Variants in SLC35D4 observed in about 807,000 individuals in gnomAD.
SLC35D4 encodes solute carrier family 35 member D4, also known as UDP-N-acetylglucosamine transporter SLC35D4.
At chr18:23,276,249 G>T in the SLC35D4 span, among the ~76,000 whole-genome samples, 1 of 151,862 alleles carries the variant, frequency 6.6e-6, no homozygotes, top group African/African-American at 2.4e-5. Flanking sequence ...CAAAACGTCC[G>T]GCTAATTTTT....
At chr18:23,266,555 C>G in the SLC35D4 span, among the ~76,000 whole-genome samples, 2 of 152,228 alleles carry the variant, frequency 1.3e-5, no homozygotes, top group African/African-American at 4.8e-5. Flanking sequence ...GGTGACAACT[C>G]AGGGAATGCA....
At chr18:23,281,723 A>G in the SLC35D4 span, among the ~76,000 whole-genome samples, 2 of 152,198 alleles carry the variant, frequency 1.3e-5, no homozygotes, top group East Asian at 3.9e-4. Context: ...TACAATCACA[A>G]AGAAAGTCAC....
the SLC35D4 span, among the ~76,000 whole-genome samples, chr18:23,286,686 CA>C: frequency 1.3e-5 from 2 of 151,296 alleles, no homozygotes; most frequent in African/African-American, 2.4e-5. Context: ...CCCTTGCCTC[CA>C]TAACTGTTGT....
At chr18:23,365,608 C>T in the SLC35D4 span, 10,286 of 1,611,864 alleles carry the variant, frequency 6.4e-3, 75 homozygotes, top group South Asian at 0.017. Flanking sequence ...AACAGACAAA[C>T]AAAACAACAC....
At chr18:23,435,812 C>T in the SLC35D4 span, among the ~76,000 whole-genome samples, 1 of 152,220 alleles carries the variant, frequency 6.6e-6, no homozygotes, top group South Asian at 2.1e-4. Flanking sequence ...TCTCATGCCT[C>T]AGCCTCCTGA....
At chr18:23,370,943 C>A in the SLC35D4 span, among the ~76,000 whole-genome samples, 4 of 152,100 alleles carry the variant, frequency 2.6e-5, no homozygotes, top group Non-Finnish European at 5.9e-5. Context: ...AAAACCAATC[C>A]AGAAAATGCC....
chr18:23,368,292 C>T, the SLC35D4 span, among the ~76,000 whole-genome samples: 1 of 152,184 alleles, frequency 6.6e-6, no homozygotes, highest in Admixed American at 6.5e-5. Context: ...AGGTCCTCTC[C>T]ACCTACACTC....
chr18:23,286,073 C>T, the SLC35D4 span, among the ~76,000 whole-genome samples: 1 of 152,198 alleles, frequency 6.6e-6, no homozygotes, highest in Admixed American at 6.5e-5. Flanking sequence ...CTGCTCTCAA[C>T]ATTAAATAAA....
At chr18:23,394,259 G>A in the SLC35D4 span, among the ~76,000 whole-genome samples, 1 of 152,186 alleles carries the variant, frequency 6.6e-6, no homozygotes, top group African/African-American at 2.4e-5. Context: ...TCTCATAGGT[G>A]TGAAGTGGTA....
chr18:23,346,043 G>A, the SLC35D4 span, among the ~76,000 whole-genome samples: 5 of 152,000 alleles, frequency 3.3e-5, no homozygotes, highest in African/African-American at 1.2e-4. Flanking sequence ...GGCTGAGATG[G>A]GAGGATTGCT....
the SLC35D4 span, among the ~76,000 whole-genome samples, chr18:23,355,898 A>C: frequency 0.016 from 2,510 of 152,306 alleles, 65 homozygotes; most frequent in African/African-American, 0.057. Flanking sequence ...TTTCTATCAT[A>C]TCGGGATACC....
the SLC35D4 span, among the ~76,000 whole-genome samples, chr18:23,384,119 T>A: frequency 6.6e-6 from 1 of 150,840 alleles, no homozygotes; most frequent in Non-Finnish European, 1.5e-5. Context: ...CAAGACCCTA[T>A]CTCTATAAAT....
At chr18:23,354,168 G>A in the SLC35D4 span, among the ~76,000 whole-genome samples, 2 of 152,150 alleles carry the variant, frequency 1.3e-5, no homozygotes, top group African/African-American at 4.8e-5. Context: ...TGAGGAAGAC[G>A]TGAAGCTTCA....
chr18:23,265,704 C>T, the SLC35D4 span, among the ~76,000 whole-genome samples: 4 of 152,072 alleles, frequency 2.6e-5, no homozygotes, highest in African/African-American at 9.7e-5. Context: ...TGGGAGTTCT[C>T]TTATGAGGGT....
the SLC35D4 span, among the ~76,000 whole-genome samples, chr18:23,409,894 A>C: frequency 6.6e-6 from 1 of 151,794 alleles, no homozygotes; most frequent in African/African-American, 2.4e-5. Flanking sequence ...TTGAACATAG[A>C]CAGACCTTTC....
At chr18:23,253,758 A>C in the SLC35D4 span, 1 of 1,614,190 alleles carries the variant, frequency 6.2e-7, no homozygotes, top group Non-Finnish European at 8.5e-7. Context: ...AAGCTTGCGC[A>C]GGAGGACTGT....
chr18:23,247,215 T>C, the SLC35D4 span, among the ~76,000 whole-genome samples: 4 of 152,220 alleles, frequency 2.6e-5, no homozygotes, highest in Admixed American at 2.6e-4. Flanking sequence ...AGGGCCACCA[T>C]CAGGCTCCCT....
the SLC35D4 span, among the ~76,000 whole-genome samples, chr18:23,402,498 T>A: frequency 6.6e-6 from 1 of 152,278 alleles, no homozygotes; most frequent in Admixed American, 6.5e-5. Flanking sequence ...ATAAATAGAT[T>A]GTTTCAGCAA....
At chr18:23,279,063 T>TGG in the SLC35D4 span, among the ~76,000 whole-genome samples, 1 of 150,050 alleles carries the variant, frequency 6.7e-6, no homozygotes, top group Non-Finnish European at 1.5e-5. Flanking sequence ...GGGTTGGAGG[T>TGG]GGGTCGTCTG....
Sources: gnomAD v4.1 joint callset for allele counts (sites outside exome capture counted in the v4.1 genomes callset) on GRCh38, gnomAD v4.1.1 for gene constraint, MANE v1.5 for transcripts, NCBI Gene and HGNC (gene_info 2026-07-23, HGNC 2026-07-21) for gene names.